The following RTKN variants were observed in gnomAD, a reference collection of about 807,000 sequenced individuals.
RTKN encodes the protein rhotekin.
Under a neutral mutation model 63.5 loss-of-function variants are expected in RTKN, and 49 were observed. The observed-to-expected ratio is 0.77, with a 90% confidence interval of 0.61 to 0.98. The LOEUF is 0.98. Among genes scored for constraint, RTKN ranks in the 50% least tolerant of loss-of-function variants. The pLI is 0.00. For synonymous variants in RTKN, 295 were observed against 290.4 expected (o/e 1.02, Z -0.16); for missense variants, 685 against 740.8 (o/e 0.92, Z 0.87).
At position 74,427,441 on chromosome 2, in the gene RTKN, T is replaced by C. The variant is rs1670464218; in HGVS notation, c.1238A>G (p.Gln413Arg). Residue 413 changes from glutamine to arginine, a missense_variant, in exon 10 of 12, where the codon CAG becomes CGG. By Grantham distance (43) the Gln-to-Arg change is conservative (BLOSUM62 1). Transcript: ENST00000272430. ...TCTCTTACTCATGTCAAAGAAAAGC[T>C]GCCACAGAGCCTCCATCCAGCTCTG... ...ALQSWMEALW[Q>R]LFFDMSQWKQ... 1 of 1,614,142 alleles carries C rather than the reference T, an allele frequency of 6.2e-7. No individual in the cohort carries two copies. Among genetic ancestry groups the C allele is most frequent in the Non-Finnish European group, 8.5e-7 (1 of 1,180,014 alleles).
intron 1 of RTKN, 114 bp downstream of exon 1, chr2:74,441,592 C>T: frequency 1.4e-6 from 1 of 731,426 alleles, no homozygotes; most frequent in South Asian, 1.7e-5. Flanking sequence ...GGTTTGTACC[C>T]AGACCGTGCG....
At chr2:74,430,744 G>T in intron 2 of RTKN, 67 bp from the exon 3 acceptor site, 2 of 1,477,250 alleles carry the variant, frequency 1.4e-6, no homozygotes, top group South Asian at 1.2e-5. Flanking sequence ...TGGTCCCAAC[G>T]ACTCTAGGAT....
intron 7 of RTKN, 32 bp downstream of exon 7, chr2:74,428,814 CAT>C: frequency 6.2e-7 from 1 of 1,601,448 alleles, no homozygotes; most frequent in Middle Eastern, 1.7e-4. Flanking sequence ...CTCACCATCA[CAT>C]GTGTATGTCC....
chr2:74,439,003 G>A (rs767659465), intron 1 of RTKN, among the ~76,000 whole-genome samples: 6 of 152,180 alleles, frequency 3.9e-5, no homozygotes, highest in African/African-American at 2.4e-5. Flanking sequence ...AATACATAGC[G>A]CAAGGTGCAG....
intron 11 of RTKN, chr2:74,426,816 G>C: frequency 7.4e-7 from 1 of 1,357,432 alleles, no homozygotes; most frequent in Non-Finnish European, 9.4e-7. Context: ...GTGGGGAGCA[G>C]AGGTGGGTGA....
intron 1 of RTKN, chr2:74,440,458 A>G: frequency 1.0e-6 from 1 of 986,868 alleles, no homozygotes; most frequent in Middle Eastern, 5.2e-4. Flanking sequence ...CCAGACAGGA[A>G]ACCAGCCCCG....
rs1468600806 is a variant in RTKN, at chr2:74,440,304, C to A, written c.111+1402G>T. On this transcript the variant is annotated intron_variant, in intron 1 of 11. Coordinates refer to ENST00000272430, the MANE Select transcript of RTKN (RefSeq NM_001015055.2). ...CAGCCCAGCCCTAGGGCCACCCCTTCCAACTCAGGGCCCCCATCCAGCCCG... is the reference window on the plus strand; with the variant it reads ...CAGCCCAGCCCTAGGGCCACCCCTTACAACTCAGGGCCCCCATCCAGCCCG... 5.2e-6 allele frequency: 5 copies of A among 963,256 alleles called. No homozygotes were observed. The East Asian group carries it at 4.6e-4, about 88-fold the overall frequency. 59.7% of individuals were successfully genotyped at this position (963,256 alleles called of 1,614,324 possible).
At chr2:74,434,628 C>T (rs1670955672) in intron 1 of RTKN, among the ~76,000 whole-genome samples, 1 of 152,178 alleles carries the variant, frequency 6.6e-6, no homozygotes. Context: ...GTTGGCCAGA[C>T]TAGTCTCGAA....
chr2:74,440,298 C>T, intron 1 of RTKN: 1 of 941,172 alleles, frequency 1.1e-6, no homozygotes, highest in Non-Finnish European at 1.3e-6. Context: ...CCTAGGGCCA[C>T]CCCTTCCAAC....
chr2:74,428,871 T>G lies in RTKN; in HGVS notation c.827A>C (p.His276Pro). The change falls in exon 7 of 12, where the codon CAT becomes CCT. Residue 276 changes from histidine to proline, a missense_variant. His to Pro is a moderately conservative substitution (Grantham distance 77). Coordinates refer to ENST00000272430, the MANE Select transcript of RTKN (RefSeq NM_001015055.2). Reference sequence around the variant, plus strand: ...ACCATGACTGGCAAGGGTGAGGTCATGTGTGCGGAATCCATCTTGCACTGC... The same window carrying G: ...ACCATGACTGGCAAGGGTGAGGTCAGGTGTGCGGAATCCATCTTGCACTGC... Reference protein sequence around the residue: ...LAAVQDGFRTHDLTLASHEEN... With the variant: ...LAAVQDGFRTPDLTLASHEEN... 6.2e-7 allele frequency: 1 copy of G among 1,614,118 alleles called. No individual in the cohort carries two copies. Among genetic ancestry groups the G allele is most frequent in the South Asian group, 1.1e-5 (1 of 91,082 alleles).
At position 74,426,288 on chromosome 2, in the gene RTKN, G is replaced by A. The variant is rs755284903; in HGVS notation, c.1647C>T (p.Leu549=). Residue 549 remains leucine (L), a synonymous_variant, in exon 12 of 12, where the codon CTC becomes CTT. Transcript: ENST00000272430. ...PPQRSPRTRG[L]CSKGQPRTWL... is the part of the protein sequence containing the mutation. ...AAGTGCGAGGTTGGCCTTTGCTGCA[G>A]AGGCCTCTGGTCCGTGGGGATCGCT... 3.2e-5 allele frequency: 52 copies of A among 1,613,970 alleles called. No individual in the cohort carries two copies. In the Admixed American group the frequency reaches 3.3e-4, roughly 10 times the overall value.
intron 2 of RTKN, chr2:74,430,980 G>A (rs1558543720): frequency 2.6e-6 from 1 of 377,966 alleles, no homozygotes; most frequent in African/African-American, 2.0e-5. Flanking sequence ...GACAGGTGCA[G>A]CCTTGAGGGG....
At chr2:74,433,269 T>C (rs1210494510) in intron 1 of RTKN, among the ~76,000 whole-genome samples, 3 of 149,970 alleles carry the variant, frequency 2.0e-5, no homozygotes, top group South Asian at 4.2e-4. Flanking sequence ...TATATATATA[T>C]ATATAAAACA....
chr2:74,426,417 G>C lies in RTKN; in HGVS notation c.1518C>G (p.Asp506Glu). Residue 506 changes from aspartate (D) to glutamate (E), a missense_variant, in exon 12 of 12, where the codon GAC becomes GAG. Physicochemically the swap from Asp to Glu is conservative, Grantham distance 45 (BLOSUM62 2). Transcript: ENST00000272430. Reference protein sequence around the residue: ...CSPASVAPAPDWTHPLPWGRP... With the variant: ...CSPASVAPAPEWTHPLPWGRP... ...TCCCCCAGGGCAGGGGGTGGGTCCAGTCTGGGGCTGGGGCCACTGAGGCAG... is the reference window on the plus strand; with the variant it reads ...TCCCCCAGGGCAGGGGGTGGGTCCACTCTGGGGCTGGGGCCACTGAGGCAG... The C allele has an allele frequency of 3.7e-6, 6 of 1,612,336 alleles. No individual in the cohort carries two copies. The highest frequency in any genetic ancestry group is 5.1e-6 in the Non-Finnish European group (6 of 1,179,308).
In RTKN at chr2:74,426,227, C is replaced by G. The variant is rs1354818527; in HGVS notation, c.*16G>C. 6.2e-7 allele frequency: 1 copy of G among 1,609,342 alleles called. No individual in the cohort carries two copies. Among genetic ancestry groups the G allele is most frequent in the African/African-American group, 1.3e-5 (1 of 74,842 alleles). Reference sequence around the variant, plus strand: ...TTTTCTCTTCTGGGCAGATCCTATGCCAGCACCTTTCTCTCTCACACTGGT... The same window carrying G: ...TTTTCTCTTCTGGGCAGATCCTATGGCAGCACCTTTCTCTCTCACACTGGT... On this transcript the variant is annotated 3_prime_UTR_variant, in exon 12 of 12. Coordinates refer to ENST00000272430, the MANE Select transcript of RTKN (RefSeq NM_001015055.2).
At chr2:74,428,966 C>A in intron 6 of RTKN, 24 bp from the exon 7 acceptor site, 1 of 1,592,172 alleles carries the variant, frequency 6.3e-7, no homozygotes, top group Non-Finnish European at 8.6e-7. Flanking sequence ...GAGAGAGCAT[C>A]AGCCAAGGGA....
At chr2:74,434,366 C>T (rs758726881) in intron 1 of RTKN, among the ~76,000 whole-genome samples, 70 of 151,718 alleles carry the variant, frequency 4.6e-4, no homozygotes, top group Non-Finnish European at 8.7e-4. Flanking sequence ...CTGCAAACTC[C>T]GCCTCCCAGG....
At chr2:74,426,686 C>T in intron 11 of RTKN, 112 bp from the exon 12 acceptor site, 3 of 1,432,550 alleles carry the variant, frequency 2.1e-6, no homozygotes, top group African/African-American at 1.4e-5. Context: ...AAGCCTGGAT[C>T]TCAGTGGAGA....
At chr2:74,428,522 C>G in intron 8 of RTKN, 109 bp downstream of exon 8, 1 of 1,554,536 alleles carries the variant, frequency 6.4e-7, no homozygotes, top group Non-Finnish European at 8.8e-7. Flanking sequence ...CTGGCCATAC[C>G]CCATTTCTTC....
Sources: gnomAD v4.1 joint callset for allele counts (sites outside exome capture counted in the v4.1 genomes callset) on GRCh38, gnomAD v4.1.1 for gene constraint, MANE v1.5 for transcripts, NCBI Gene and HGNC (gene_info 2026-07-23, HGNC 2026-07-21) for gene names.